The following GLRA1 variants were observed in gnomAD, a reference collection of about 807,000 sequenced individuals.
The protein encoded by GLRA1 is glycine receptor subunit alpha-1.
In GLRA1, 37 loss-of-function variants were observed where a neutral mutation model predicts 48.3. The ratio of observed to expected loss-of-function variants is 0.77; its 90% CI spans 0.59 to 1.01. GLRA1 has a LOEUF of 1.01. GLRA1 is among the 50% of genes least tolerant of loss of function. GLRA1 has a pLI of 0.00. For synonymous variants in GLRA1, 196 were observed against 210.7 expected, an observed-to-expected ratio of 0.93 and a Z score of 0.60; for missense variants, 427 against 571.0, an observed-to-expected ratio of 0.75 and a Z score of 2.57.
chr5:151,881,326 T>C (rs1211324323), intron 3 of GLRA1, among the ~76,000 whole-genome samples: 1 of 150,248 alleles, frequency 6.7e-6, no homozygotes, highest in Non-Finnish European at 1.5e-5. Flanking sequence ...TTTTTCCTTT[T>C]TTTTTTTTTT....
chr5:151,920,472 C>T (rs1329915530), intron 1 of GLRA1, among the ~76,000 whole-genome samples: 1 of 152,140 alleles, frequency 6.6e-6, no homozygotes, highest in Non-Finnish European at 1.5e-5. Context: ...TAAGTCATTA[C>T]CAGTTTGGCA....
At chr5:151,891,365 A>T (rs1461903807) in intron 2 of GLRA1, among the ~76,000 whole-genome samples, 7 of 152,230 alleles carry the variant, frequency 4.6e-5, no homozygotes, top group African/African-American at 1.7e-4. Flanking sequence ...TTTTCAGGTC[A>T]TCTGGAGTAG....
chr5:151,898,461 G>A (rs796218320), intron 1 of GLRA1, among the ~76,000 whole-genome samples: 6 of 152,288 alleles, frequency 3.9e-5, no homozygotes, highest in African/African-American at 1.4e-4. Flanking sequence ...AGATGAGCTA[G>A]GGTTGCAGTA....
rs1753742730 is a variant in GLRA1 at position 151,880,824 on chromosome 5, C to T, written c.252+5897G>A. 3.3e-5 allele frequency among the ~76,000 whole-genome samples: 5 copies of T among 152,322 alleles called. No individual in the cohort carries two copies. The South Asian group carries it at 1.0e-3, about 32-fold the overall frequency. On this transcript the variant is annotated intron_variant, in intron 3 of 8. Transcript: ENST00000274576. ...AAACATGCCTACTCAAATGCGGATA[C>T]ATACTTAAATATCTCTTTATATATT...
At chr5:151,866,408 A>C (rs1237815641) in intron 3 of GLRA1, among the ~76,000 whole-genome samples, 1 of 152,080 alleles carries the variant, frequency 6.6e-6, no homozygotes, top group Non-Finnish European at 1.5e-5. Flanking sequence ...ACCTCTCCTA[A>C]TAAACTCCTC....
chr5:151,838,789 A>G (rs547439448), intron 7 of GLRA1, among the ~76,000 whole-genome samples: 1 of 152,362 alleles, frequency 6.6e-6, no homozygotes, highest in Non-Finnish European at 1.5e-5. Context: ...ATAGTAATCT[A>G]TACATCTAAG....
At chr5:151,858,871 T>C (rs975246518) in intron 4 of GLRA1, among the ~76,000 whole-genome samples, 4 of 152,196 alleles carry the variant, frequency 2.6e-5, no homozygotes, top group African/African-American at 9.7e-5. Flanking sequence ...AACATATTCA[T>C]ATATTGATCA....
At chr5:151,849,149 TTTC>T in intron 7 of GLRA1, 1 of 154,352 alleles carries the variant, frequency 6.5e-6, no homozygotes, top group East Asian at 9.9e-5. Context: ...TCTTTCTTTC[TTTC>T]TTTTCTTTTC....
chr5:151,859,440 G>C (rs1753136014), intron 4 of GLRA1, among the ~76,000 whole-genome samples: 1 of 152,152 alleles, frequency 6.6e-6, no homozygotes, highest in South Asian at 2.1e-4. Flanking sequence ...GATTTTCTAG[G>C]CTTTATGCCT....
intron 3 of GLRA1, among the ~76,000 whole-genome samples, chr5:151,878,937 G>T (rs1029349261): frequency 6.6e-6 from 1 of 152,232 alleles, no homozygotes; most frequent in African/African-American, 2.4e-5. Context: ...TCCCTACTTG[G>T]GCACCTCCTA....
intron 3 of GLRA1, among the ~76,000 whole-genome samples, chr5:151,867,144 A>G (rs1285390558): frequency 6.6e-6 from 1 of 152,082 alleles, no homozygotes; most frequent in Non-Finnish European, 1.5e-5. Flanking sequence ...TAAATAAATA[A>G]ATACTTTTAA....
Position 151,893,858 on chromosome 5 carries a change from C to G in GLRA1, c.57-1420G>C, listed in dbSNP as rs556292187. On this transcript the variant is annotated intron_variant, in intron 1 of 8. Coordinates refer to ENST00000274576, the MANE Select transcript of GLRA1 (RefSeq NM_000171.4). ...TCTTTATAGTAGAATGATTTATAAT[C>G]CTTTGGGTATATATTCAGTAATGGG... is the stretch of plus-strand genomic sequence containing the variant. 2.6e-3 allele frequency among the ~76,000 whole-genome samples: 398 copies of G among 152,230 alleles called. 4 individuals are homozygous for G. The highest frequency in any genetic ancestry group is 9.4e-3 in the African/African-American group (390 of 41,528).
chr5:151,917,918 A>G (rs986169050), intron 1 of GLRA1, among the ~76,000 whole-genome samples: 1 of 152,198 alleles, frequency 6.6e-6, no homozygotes, highest in Non-Finnish European at 1.5e-5. Context: ...CATGCTGCTC[A>G]GGGCTGCTGC....
intron 7 of GLRA1, among the ~76,000 whole-genome samples, chr5:151,829,790 CTAATCCA>C (rs560327761): frequency 1.9e-4 from 29 of 152,348 alleles, no homozygotes; most frequent in African/African-American, 7.0e-4. Flanking sequence ...TAAACAACCA[CTAATCCA>C]TATTTTATAT....
intron 2 of GLRA1, among the ~76,000 whole-genome samples, chr5:151,888,153 A>C (rs537352702): frequency 1.3e-5 from 2 of 152,318 alleles, no homozygotes; most frequent in African/African-American, 4.8e-5. Flanking sequence ...AAGTTTTCTG[A>C]TTGTGGAAAG....
At chr5:151,855,731 C>T (rs903547244) in intron 5 of GLRA1, among the ~76,000 whole-genome samples, 1 of 152,224 alleles carries the variant, frequency 6.6e-6, no homozygotes, top group East Asian at 1.9e-4. Context: ...TGCCTAAGTG[C>T]TCTGCCTTGG....
chr5:151,914,565 C>T (rs1754693132), intron 1 of GLRA1, among the ~76,000 whole-genome samples: 1 of 152,156 alleles, frequency 6.6e-6, no homozygotes, highest in Non-Finnish European at 1.5e-5. Context: ...AAATTCTCTT[C>T]TTGGGCCAGA....
chr5:151,924,446 T>C (rs761034478), intron 1 of GLRA1, 48 bp downstream of exon 1: 76 of 1,152,774 alleles, frequency 6.6e-5, no homozygotes, highest in Non-Finnish European at 9.1e-5. Flanking sequence ...TCCGTACTCT[T>C]TCCCCCCATT....
intron 6 of GLRA1, among the ~76,000 whole-genome samples, chr5:151,854,116 G>A (rs1260925465): frequency 1.3e-5 from 2 of 152,238 alleles, no homozygotes; most frequent in Non-Finnish European, 2.9e-5. Context: ...GGTCAGTTGT[G>A]GTGATTTGAC....
Sources: allele counts gnomAD v4.1 joint callset (sites outside exome capture counted in the v4.1 genomes callset), GRCh38; gene constraint gnomAD v4.1.1; transcripts MANE v1.5; gene names NCBI Gene and HGNC (gene_info 2026-07-23, HGNC 2026-07-21).